The following CACNA2D3 variants were observed in gnomAD, a reference collection of about 807,000 sequenced individuals.
CACNA2D3 encodes voltage-dependent calcium channel subunit alpha-2/delta-3.
CACNA2D3 carries 60 observed loss-of-function variants against 160.6 expected under a neutral mutation model. The observed-to-expected ratio is 0.37, with a 90% CI of 0.30 to 0.46. The LOEUF (loss-of-function observed/expected upper bound fraction) is 0.46. CACNA2D3 is among the 20% of genes least tolerant of loss of function. CACNA2D3 has a pLI of 1.00. For synonymous variants in CACNA2D3, 558 were observed against 492.9 expected, an observed-to-expected ratio of 1.13 and a Z score of -1.75; for missense variants, 1,205 against 1,365.0, an observed-to-expected ratio of 0.88 and a Z score of 1.85.
chr3:54,997,874 G>A (rs573968927), intron 31 of CACNA2D3, among the ~76,000 whole-genome samples: 4 of 152,268 alleles, frequency 2.6e-5, no homozygotes, highest in South Asian at 2.1e-4. Flanking sequence ...CAGATTCTTC[G>A]ATGAGGCCTC....
intron 5 of CACNA2D3, among the ~76,000 whole-genome samples, chr3:54,522,846 TTG>T (rs1474255813): frequency 2.0e-5 from 3 of 152,200 alleles, no homozygotes; most frequent in Non-Finnish European, 4.4e-5. Flanking sequence ...CTCAACACTG[TTG>T]TATTGGGTAC....
chr3:54,317,552 T>C (rs1703891159), intron 2 of CACNA2D3, among the ~76,000 whole-genome samples: 1 of 152,156 alleles, frequency 6.6e-6, no homozygotes, highest in South Asian at 2.1e-4. Context: ...TTTTTTCTTT[T>C]TTGAGACAGA....
At chr3:54,291,804 G>A (rs1460138614) in intron 2 of CACNA2D3, among the ~76,000 whole-genome samples, 1 of 152,172 alleles carries the variant, frequency 6.6e-6, no homozygotes, top group Non-Finnish European at 1.5e-5. Flanking sequence ...GTAGTCTAGG[G>A]AAGGAACATT....
intron 30 of CACNA2D3, among the ~76,000 whole-genome samples, chr3:54,985,519 A>G (rs1559455300): frequency 6.6e-6 from 1 of 152,190 alleles, no homozygotes; most frequent in Admixed American, 6.5e-5. Context: ...TCTCTTCCTT[A>G]ACTAGTTTTG....
rs34225864 is a variant in CACNA2D3, at chr3:54,493,060, C to CTTT, written c.382-10400_382-10398dup. ...TGTATGTGGGAGGTATTGCTCAAAA[C>CTTT]TTTTTTTTTTTTTTTTTTTTTTTTT... On this transcript the variant is annotated intron_variant, in intron 4 of 37. Transcript: ENST00000474759. Among the ~76,000 whole-genome samples, 166 of 58,796 alleles carry CTTT rather than the reference C, an allele frequency of 2.8e-3. 24 individuals are homozygous for CTTT. The highest frequency in any genetic ancestry group is 0.012 in the African/African-American group (157 of 13,018). The allele number at this position is 58,796 out of a possible 152,430, so 38.6% of individuals were successfully genotyped here. A position where few individuals can be genotyped will look rare whatever the true frequency, so the allele number is the denominator to read the frequency against.
Position 54,593,954 on chromosome 3 carries a change from T to C in CACNA2D3, c.963+12077T>C, listed in dbSNP as rs560919088. Among the ~76,000 whole-genome samples, 15 of 152,312 alleles carry C rather than the reference T, an allele frequency of 9.8e-5. No homozygotes were observed. The South Asian group carries it at 2.7e-3, about 27-fold the overall frequency. Reference sequence around the variant, plus strand: ...ATGTAGTACAGAAACTATGCTCAATTCTTTTTTTATATTATACTATATATT... The same window carrying C: ...ATGTAGTACAGAAACTATGCTCAATCCTTTTTTTATATTATACTATATATT... On this transcript the variant is annotated intron_variant, in intron 9 of 37. Coordinates refer to ENST00000474759, the MANE Select transcript of CACNA2D3 (RefSeq NM_018398.3).
chr3:54,968,553 AT>A, intron 28 of CACNA2D3, 42 bp downstream of exon 28: 2 of 1,457,924 alleles, frequency 1.4e-6, no homozygotes, highest in Non-Finnish European at 1.9e-6. Flanking sequence ...CGACACTGTT[AT>A]TATACAGGTG....
At chr3:54,413,980 A>G (rs1024914710) in intron 4 of CACNA2D3, among the ~76,000 whole-genome samples, 2 of 150,166 alleles carry the variant, frequency 1.3e-5, no homozygotes, top group African/African-American at 4.9e-5. Context: ...ATTGTGTTAT[A>G]TGTTTTACTG....
intron 11 of CACNA2D3, among the ~76,000 whole-genome samples, chr3:54,669,391 C>CT (rs1559544450): frequency 3.3e-5 from 5 of 152,166 alleles, no homozygotes. Flanking sequence ...CATAAAATCT[C>CT]TAATACCTAA....
intron 13 of CACNA2D3, among the ~76,000 whole-genome samples, chr3:54,812,966 C>T (rs975633757): frequency 2.0e-5 from 3 of 152,240 alleles, no homozygotes; most frequent in South Asian, 4.1e-4. Flanking sequence ...GTCCAATCAA[C>T]AGTGACTATT....
chr3:54,442,987 G>C (rs1700167761), intron 4 of CACNA2D3, among the ~76,000 whole-genome samples: 1 of 152,144 alleles, frequency 6.6e-6, no homozygotes, highest in Admixed American at 6.6e-5. Context: ...ACATCTCCCT[G>C]GGTCTGCCTT....
intron 2 of CACNA2D3, among the ~76,000 whole-genome samples, chr3:54,146,331 C>T (rs1461120861): frequency 2.0e-5 from 3 of 152,194 alleles, no homozygotes; most frequent in East Asian, 1.9e-4. Flanking sequence ...CTCTAGTTCC[C>T]GAGCACAGGG....
chr3:54,307,043 C>T (rs73093666), intron 2 of CACNA2D3, among the ~76,000 whole-genome samples: 1 of 152,014 alleles, frequency 6.6e-6, no homozygotes, highest in South Asian at 2.1e-4. Context: ...GAAGCTCTGC[C>T]GTCTGATGCC....
chr3:54,707,143 A>C (rs1700871176), intron 11 of CACNA2D3, among the ~76,000 whole-genome samples: 10 of 152,206 alleles, frequency 6.6e-5, no homozygotes, highest in Admixed American at 6.5e-4. Flanking sequence ...TCATTAGAGC[A>C]TTTCCATGAA....
intron 4 of CACNA2D3, among the ~76,000 whole-genome samples, chr3:54,471,717 A>T (rs1000478840): frequency 1.3e-5 from 2 of 152,160 alleles, no homozygotes; most frequent in Non-Finnish European, 2.9e-5. Flanking sequence ...AATAAAGGGG[A>T]TATCACCGCT....
chr3:54,189,984 G>T (rs1700950210), intron 2 of CACNA2D3, among the ~76,000 whole-genome samples: 1 of 152,214 alleles, frequency 6.6e-6, no homozygotes, highest in Non-Finnish European at 1.5e-5. Flanking sequence ...GCCACAGACT[G>T]AGTAGCTTAT....
chr3:54,822,828 T>C lies in CACNA2D3; in HGVS notation c.1398+5958T>C, dbSNP rs996859926. ...CTTTCTTTCTTTCTTTCTTTCTTTC[T>C]TTCTTTTCTTTCTTTCTTTCTTTCT... On this transcript the variant is annotated intron_variant, in intron 14 of 37. Transcript: ENST00000474759. 1.2e-3 allele frequency among the ~76,000 whole-genome samples: 103 copies of C among 85,032 alleles called. 2 individuals are homozygous for C. The highest frequency in any genetic ancestry group is 5.9e-3 in the African/African-American group (99 of 16,902). The allele number at this position is 85,032 out of a possible 152,430, so 55.8% of individuals were successfully genotyped here. A position where few individuals can be genotyped will look rare whatever the true frequency, so the allele number is the denominator to read the frequency against.
At position 54,871,548 on chromosome 3, in the gene CACNA2D3, G is replaced by A. The variant is rs763807170; in HGVS notation, c.1636G>A (p.Gly546Arg). Residue 546 changes from glycine to arginine, a missense_variant, in exon 18 of 38, where the codon GGA (glycine) becomes AGA (arginine). By Grantham distance (125) the Gly-to-Arg change is moderately radical (BLOSUM62 -2). This residue lies in a region of CACNA2D3 where 911 missense variants were observed against 1,002.2 expected (regional missense o/e 0.91). Transcript: ENST00000474759. ...HPELRLLYEE[G>R]KKRRKPNYSS... ...TTCTTCCCCTTGCTAGTACGAAGAA[G>A]GAAAAAAGCGAAGGAAACCTAACTA... is the stretch of plus-strand genomic sequence containing the variant. The A allele has an allele frequency of 6.2e-7, 1 of 1,612,570 alleles. No individual in the cohort carries two copies. Among genetic ancestry groups the A allele is most frequent in the East Asian group, 2.2e-5 (1 of 44,846 alleles).
At chr3:54,716,476 G>A (rs921133175) in intron 11 of CACNA2D3, among the ~76,000 whole-genome samples, 3 of 152,152 alleles carry the variant, frequency 2.0e-5, no homozygotes, top group African/African-American at 4.8e-5. Flanking sequence ...GGGGGTAGAC[G>A]TTACTGTCAA....
Sources: allele counts gnomAD v4.1 joint callset (sites outside exome capture counted in the v4.1 genomes callset), GRCh38; gene constraint gnomAD v4.1.1; regional missense constraint gnomAD v4.1.1; transcripts MANE v1.5; gene names NCBI Gene and HGNC (gene_info 2026-07-23, HGNC 2026-07-21).